VWA5B1: variants seen among roughly 807,000 people sequenced by gnomAD.
VWA5B1 encodes von Willebrand factor A domain-containing protein 5B1.
VWA5B1 carries 115 observed loss-of-function variants against 118.2 expected under a neutral mutation model. The observed-to-expected ratio is 0.97, with a 90% CI of 0.84 to 1.14. The LOEUF is 1.14. VWA5B1 is among the 50% of genes most tolerant of loss of function. The pLI, the probability that VWA5B1 is intolerant of heterozygous loss-of-function variation, is 0.00. For synonymous variants in VWA5B1, 682 were observed against 658.4 expected (o/e 1.04, Z -0.55); for missense variants, 1,596 against 1,603.8 (o/e 1.00, Z 0.08).
intron 21 of VWA5B1, 72 bp downstream of exon 21, chr1:20,352,244 T>G (rs1174108851): frequency 2.8e-5 from 32 of 1,128,244 alleles, no homozygotes; most frequent in Non-Finnish European, 4.1e-5. Context: ...GTGATCCCCC[T>G]GCCCACCTCT....
In VWA5B1 at chr1:20,311,078, T is replaced by G. The variant is rs530319539; in HGVS notation, c.139+338T>G. Among the ~76,000 whole-genome samples the G allele has an allele frequency of 2.0e-5, 3 of 152,318 alleles. No homozygotes were observed. The Middle Eastern group carries it at 0.01, about 518-fold the overall frequency. On this transcript the variant is annotated intron_variant, in intron 2 of 21. Transcript: ENST00000289815. ...GCCTCCACCTCCCGGGCTCAAGAGATTCTCCCACCTCAGCCTCCCAAGTAG... is the reference window on the plus strand; with the variant it reads ...GCCTCCACCTCCCGGGCTCAAGAGAGTCTCCCACCTCAGCCTCCCAAGTAG...
chr1:20,337,018 G>A (rs77777480), intron 13 of VWA5B1, among the ~76,000 whole-genome samples: 2,465 of 152,186 alleles, frequency 0.016, 66 homozygotes, highest in African/African-American at 0.056. Flanking sequence ...GGGAGAGGAC[G>A]TTCCAGGCAG....
At chr1:20,313,789 G>T (rs773702552) in intron 3 of VWA5B1, among the ~76,000 whole-genome samples, 1 of 152,190 alleles carries the variant, frequency 6.6e-6, no homozygotes, top group African/African-American at 2.4e-5. Context: ...AGGCTAGTTA[G>T]GATCTGTCTA....
Position 20,353,857 on chromosome 1 carries a change from C to T in VWA5B1, c.3242C>T (p.Thr1081Ile), listed in dbSNP as rs375112766. The change falls in exon 22 of 22, where the codon ACC becomes ATC. Residue 1081 changes from threonine to isoleucine, a missense_variant. Transcript: ENST00000289815. ...MEKLKWTSPFTCHRVSLTTRP... is the reference protein window; with the variant it reads ...MEKLKWTSPFICHRVSLTTRP... ...AAGCTCAAGTGGACGTCCCCCTTCA[C>T]CTGCCATCGAGTGTCCCTCACCACC... 16 of 1,539,912 alleles carry T rather than the reference C, an allele frequency of 1.0e-5. No individual in the cohort carries two copies. The highest frequency in any genetic ancestry group is 1.2e-5 in the Non-Finnish European group (14 of 1,140,996).
At position 20,330,125 on chromosome 1, in the gene VWA5B1, G is replaced by GGTCTAGA. The variant is rs2100926112; in HGVS notation, c.1255-50_1255-44dup. The GGTCTAGA allele has an allele frequency of 7.2e-6, 11 of 1,538,024 alleles. No individual in the cohort carries two copies. In the Middle Eastern group the frequency reaches 1.3e-3, roughly 188 times the overall value. On this transcript the variant is annotated intron_variant, in intron 9 of 21. Coordinates refer to ENST00000289815, the MANE Select transcript of VWA5B1 (RefSeq NM_001039500.3). ...GGAAACAAAGTCCTCTTCCTTAGGT[G>GGTCTAGA]GTCTAGAGTCTCTGTACCATACGGT...
In VWA5B1 at chr1:20,358,896, T is replaced by G. The variant is rs1425782430; in HGVS notation, c.*4633T>G. On this transcript the variant is annotated 3_prime_UTR_variant, in exon 22 of 22. Coordinates refer to ENST00000289815, the MANE Select transcript of VWA5B1 (RefSeq NM_001039500.3). ...GGGTAATCTGATCCGCAGAGATCTG[T>G]CCAAGGTCAGGGGCTTGGCAGCAGC... Among the ~76,000 whole-genome samples, 1 of 152,190 alleles carries G rather than the reference T, an allele frequency of 6.6e-6. No individual in the cohort carries two copies. The highest frequency in any genetic ancestry group is 1.5e-5 in the Non-Finnish European group (1 of 68,024).
intron 1 of VWA5B1, among the ~76,000 whole-genome samples, chr1:20,307,413 C>T (rs564887721): frequency 6.6e-6 from 1 of 152,358 alleles, no homozygotes; most frequent in African/African-American, 2.4e-5. Context: ...GTCCTACACG[C>T]ACACCCATTT....
In VWA5B1 at chr1:20,328,828, A is replaced by T. The variant is rs554534239; in HGVS notation, c.1254+828A>T. Among the ~76,000 whole-genome samples, 69 of 152,272 alleles carry T rather than the reference A, an allele frequency of 4.5e-4. 2 individuals carry two copies. In the South Asian group the frequency reaches 7.3e-3, roughly 16 times the overall value. The stretch of plus-strand genomic sequence containing the variant: ...TACATATCAAAAACAAATTTTTTTT[A>T]AAAAATCTCCTGTGATTATGTCAGT... On this transcript the variant is annotated intron_variant, in intron 9 of 21. Coordinates refer to ENST00000289815, the MANE Select transcript of VWA5B1 (RefSeq NM_001039500.3).
Position 20,358,867 on chromosome 1 carries a change from A to G in VWA5B1, c.*4604A>G, listed in dbSNP as rs532921167. ...GGCAGGGGTGTGTGTGGCATTTTGC[A>G]GCTGGGTAATCTGATCCGCAGAGAT... On this transcript the variant is annotated 3_prime_UTR_variant, in exon 22 of 22. Coordinates refer to ENST00000289815, the MANE Select transcript of VWA5B1 (RefSeq NM_001039500.3). Among the ~76,000 whole-genome samples, 1 of 152,290 alleles carries G rather than the reference A, an allele frequency of 6.6e-6. No homozygotes were observed. Among genetic ancestry groups the G allele is most frequent in the Admixed American group, 6.5e-5 (1 of 15,300 alleles).
intron 1 of VWA5B1, among the ~76,000 whole-genome samples, chr1:20,291,359 T>TTCTTTCTTTCTTTCTCTCTCTCTCTC (rs1381113890): frequency 2.1e-4 from 22 of 103,402 alleles, no homozygotes; most frequent in African/African-American, 7.2e-4. Flanking sequence ...CTTTCTTTCT[T>TTCTTTCTTTCTTTCTCTCTCTCTCTC]TCTCTCTCTC....
intron 1 of VWA5B1, among the ~76,000 whole-genome samples, chr1:20,299,936 G>GT (rs1248212188): frequency 6.6e-6 from 1 of 152,228 alleles, no homozygotes; most frequent in Non-Finnish European, 1.5e-5. Context: ...GTGTGGAAGG[G>GT]TCACAGGCCC....
At chr1:20,292,499 T>C (rs1220910335) in intron 1 of VWA5B1, among the ~76,000 whole-genome samples, 1 of 152,020 alleles carries the variant, frequency 6.6e-6, no homozygotes, top group Non-Finnish European at 1.5e-5. Flanking sequence ...ACCTGGAGGG[T>C]AGGGACGTGT....
chr1:20,302,751 A>C (rs765396049), intron 1 of VWA5B1, among the ~76,000 whole-genome samples: 20 of 152,134 alleles, frequency 1.3e-4, no homozygotes, highest in Non-Finnish European at 2.2e-4. Context: ...AGAAGGCTCC[A>C]TGGAGGTGGT....
intron 5 of VWA5B1, 164 bp from the exon 6 acceptor site, chr1:20,318,426 G>A: frequency 1.1e-6 from 1 of 908,096 alleles, no homozygotes; most frequent in East Asian, 2.6e-5. Flanking sequence ...TTTTACAGGT[G>A]GGGAAATTGA....
At position 20,319,530 on chromosome 1, in the gene VWA5B1, C is replaced by A. The variant is rs372910147; in HGVS notation, c.966+24C>A. On this transcript the variant is annotated intron_variant, in intron 7 of 21. Transcript: ENST00000289815. ...AGGTGAGGGCAACTGAGGTGGGGAG[C>A]GGACGGTGGCAGAGTTGGGGTGGCG... 5 of 1,550,382 alleles carry A rather than the reference C, an allele frequency of 3.2e-6. No individual in the cohort carries two copies. In the East Asian group the frequency reaches 9.8e-5, roughly 30 times the overall value.
At chr1:20,321,223 G>T (rs1025384726) in intron 7 of VWA5B1, among the ~76,000 whole-genome samples, 1 of 151,984 alleles carries the variant, frequency 6.6e-6, no homozygotes, top group Admixed American at 6.6e-5. Flanking sequence ...ATCTTAGGGG[G>T]GCAATACTGA....
At chr1:20,319,832 C>A (rs994027129) in intron 7 of VWA5B1, among the ~76,000 whole-genome samples, 1 of 152,196 alleles carries the variant, frequency 6.6e-6, no homozygotes, top group African/African-American at 2.4e-5. Flanking sequence ...CAGGGGTGCC[C>A]AGGACCCTTC....
intron 1 of VWA5B1, among the ~76,000 whole-genome samples, chr1:20,309,698 TC>T (rs1344448283): frequency 6.6e-6 from 1 of 152,080 alleles, no homozygotes; most frequent in Non-Finnish European, 1.5e-5. Flanking sequence ...CAGAGACCTG[TC>T]CAGTTTATGT....
chr1:20,336,595 C>T, intron 13 of VWA5B1, 109 bp downstream of exon 13: 1 of 1,149,436 alleles, frequency 8.7e-7, no homozygotes, highest in Admixed American at 4.1e-5. Flanking sequence ...GAGGTGGGTA[C>T]TGTTATACCC....
Sources: allele counts gnomAD v4.1 joint callset (sites outside exome capture counted in the v4.1 genomes callset), GRCh38; gene constraint gnomAD v4.1.1; transcripts MANE v1.5; gene names NCBI Gene and HGNC (gene_info 2026-07-23, HGNC 2026-07-21).